The following TSSC4 variants were observed in gnomAD, a reference collection of about 807,000 sequenced individuals.
TSSC4 encodes U5 small nuclear ribonucleoprotein TSSC4.
For synonymous variants in TSSC4, 259 were observed against 197.9 expected (o/e 1.31, Z -2.59); for missense variants, 500 against 443.9 (o/e 1.13, Z -1.14).
In TSSC4 at chr11:2,403,690, CAG is replaced by C. The variant is rs771856916; in HGVS notation, c.*68_*69del. 21 of 1,420,410 alleles carry C rather than the reference CAG, an allele frequency of 1.5e-5. No homozygotes were observed. The highest frequency in any genetic ancestry group is 1.9e-5 in the Non-Finnish European group (21 of 1,080,698). 88.0% of individuals were successfully genotyped at this position (1,420,410 alleles called of 1,614,324 possible). On this transcript the variant is annotated 3_prime_UTR_variant, in exon 3 of 3. Coordinates refer to ENST00000333256, the MANE Select transcript of TSSC4 (RefSeq NM_005706.4). Reference sequence around the variant, plus strand: ...CTGCTGCCTTCCCAGTGGGGCTGGTCAGGGGGCAGCCTGGCCACTGCCTAGCT... The same window carrying C: ...CTGCTGCCTTCCCAGTGGGGCTGGTCGGGGCAGCCTGGCCACTGCCTAGCT...
Position 2,402,303 on chromosome 11 carries a change from T to G in TSSC4, c.-171T>G, listed in dbSNP as rs1473369591. The G allele has an allele frequency of 3.1e-6, 1 of 324,860 alleles. No individual in the cohort carries two copies. The highest frequency in any genetic ancestry group is 5.8e-6 in the Non-Finnish European group (1 of 172,790). 20.1% of individuals were successfully genotyped at this position (324,860 alleles called of 1,614,324 possible). On this transcript the variant is annotated 5_prime_UTR_variant, in exon 2 of 3. Coordinates refer to ENST00000333256, the MANE Select transcript of TSSC4 (RefSeq NM_005706.4). ...CCCCACCCACCTGCAGTTGAGCAGCTGAACAGAGGCCATGCCGGGGCACTC... is the reference window on the plus strand; with the variant it reads ...CCCCACCCACCTGCAGTTGAGCAGCGGAACAGAGGCCATGCCGGGGCACTC...
In TSSC4 at chr11:2,402,717, A is replaced by G; in HGVS notation, c.84A>G (p.Thr28=). 1.3e-6 allele frequency: 2 copies of G among 1,575,398 alleles called. No homozygotes were observed. Among genetic ancestry groups the G allele is most frequent in the South Asian group, 1.2e-5 (1 of 86,348 alleles). The part of the protein sequence containing the change: ...GTEYDTLPSD[T]VSLSDSDSDL... ...AGTATGACACGCTGCCTTCCGACAC[A>G]GTCTCCCTCAGTGACTCGGACTCTG... The change falls in exon 3 of 3, where the codon ACA becomes ACG. Residue 28 remains threonine (T), a synonymous_variant. Transcript: ENST00000333256.
rs1471676062 is a variant in TSSC4, at chr11:2,403,338, G to A, written c.705G>A (p.Val235=). Residue 235 remains valine, a synonymous_variant, in exon 3 of 3, where the codon GTG becomes GTA. Coordinates refer to ENST00000333256, the MANE Select transcript of TSSC4 (RefSeq NM_005706.4). ...AGAGGAAGAGGGTCCTGGGGAAGGT[G>A]GGAGAGCCAGGCAGGGGCGGCCTTG... ...RHERKRVLGK[V]GEPGRGGLGN... is the part of the protein sequence containing the mutation. 6.2e-7 allele frequency: 1 copy of A among 1,612,290 alleles called. No individual in the cohort carries two copies. Among genetic ancestry groups the A allele is most frequent in the South Asian group, 1.1e-5 (1 of 90,930 alleles).
chr11:2,403,434 G>A lies in TSSC4; in HGVS notation c.801G>A (p.Glu267=). The change falls in exon 3 of 3, where the codon GAG becomes GAA. Residue 267 remains glutamate, a synonymous_variant. Coordinates refer to ENST00000333256, the MANE Select transcript of TSSC4 (RefSeq NM_005706.4). ...LAHLAGPGSP[E]AEEWGSHHGG... Reference sequence around the variant, plus strand: ...ATCTGGCCGGGCCCGGGAGCCCAGAGGCTGAGGAGTGGGGCAGCCACCATG... The same window carrying A: ...ATCTGGCCGGGCCCGGGAGCCCAGAAGCTGAGGAGTGGGGCAGCCACCATG... 2.5e-6 allele frequency: 4 copies of A among 1,594,342 alleles called. No homozygotes were observed. Among genetic ancestry groups the A allele is most frequent in the Non-Finnish European group, 3.4e-6 (4 of 1,169,372 alleles).
rs1319312208 is a variant in TSSC4 at position 2,403,025 on chromosome 11, G to GGTCT, written c.393_396dup (p.Pro133ValfsTer65). 1 of 1,608,102 alleles carries GGTCT rather than the reference G, an allele frequency of 6.2e-7. No individual in the cohort carries two copies. On this transcript the variant is annotated frameshift_variant, in exon 3 of 3. Coordinates refer to ENST00000333256, the MANE Select transcript of TSSC4 (RefSeq NM_005706.4). LOFTEE classifies it low-confidence loss of function (END_TRUNC). ...AAGCGGCCCCTAGCGCCCTCAGGCC[G>GGTCT]GTCTCCAGTGGAAGGCCTGGGCAGG...
At chr11:2,402,490 T>G in intron 2 of TSSC4, 40 bp downstream of exon 2, 1 of 905,132 alleles carries the variant, frequency 1.1e-6, no homozygotes, top group Non-Finnish European at 1.6e-6. Context: ...GACTCCACCC[T>G]GTGTGGGACA....
chr11:2,402,598 T>A lies in TSSC4; in HGVS notation c.-23-13T>A, dbSNP rs1850181588. On this transcript the variant is annotated splice_polypyrimidine_tract_variant and intron_variant, in intron 2 of 2. Coordinates refer to ENST00000333256, the MANE Select transcript of TSSC4 (RefSeq NM_005706.4). ...CTCCTGAGAAACAAATTTTCTGGGC[T>A]GTTTTGGTTTAGGTGTGGCGTGGCC... 2 of 1,543,382 alleles carry A rather than the reference T, an allele frequency of 1.3e-6. No homozygotes were observed. Among genetic ancestry groups the A allele is most frequent in the Non-Finnish European group, 1.8e-6 (2 of 1,141,474 alleles).
rs1483768834 is a variant in TSSC4 at position 2,403,670 on chromosome 11, G to A, written c.*47G>A. ...CCCCACTGGCCACTGCCATCCTGCT[G>A]CCTTCCCAGTGGGGCTGGTCAGGGG... On this transcript the variant is annotated 3_prime_UTR_variant, in exon 3 of 3. Coordinates refer to ENST00000333256, the MANE Select transcript of TSSC4 (RefSeq NM_005706.4). 5.5e-6 allele frequency: 8 copies of A among 1,455,674 alleles called. No homozygotes were observed. The South Asian group carries it at 1.2e-4, about 22-fold the overall frequency. 90.2% of individuals were successfully genotyped at this position (1,455,674 alleles called of 1,614,324 possible).
Position 2,403,865 on chromosome 11 carries a change from G to A in TSSC4, c.*242G>A, listed in dbSNP as rs547306772. Reference sequence around the variant, plus strand: ...CCCTGGTAGGGACAATAAAGGTTTTGGGTCTTTCTGAGACTTTGTGTCTAT... The same window carrying A: ...CCCTGGTAGGGACAATAAAGGTTTTAGGTCTTTCTGAGACTTTGTGTCTAT... On this transcript the variant is annotated 3_prime_UTR_variant, in exon 3 of 3. Coordinates refer to ENST00000333256, the MANE Select transcript of TSSC4 (RefSeq NM_005706.4). 2.4e-6 allele frequency: 1 copy of A among 409,722 alleles called. No individual in the cohort carries two copies. The highest frequency in any genetic ancestry group is 6.6e-4 in the Middle Eastern group (1 of 1,520). 25.4% of individuals were successfully genotyped at this position (409,722 alleles called of 1,614,324 possible).
chr11:2,403,669 T>G lies in TSSC4; in HGVS notation c.*46T>G. The G allele has an allele frequency of 2.7e-6, 4 of 1,455,062 alleles. No individual in the cohort carries two copies. The highest frequency in any genetic ancestry group is 3.6e-6 in the Non-Finnish European group (4 of 1,102,102). The allele number at this position is 1,455,062 out of a possible 1,614,324, so 90.1% of individuals were successfully genotyped here. ...ACCCCACTGGCCACTGCCATCCTGC[T>G]GCCTTCCCAGTGGGGCTGGTCAGGG... On this transcript the variant is annotated 3_prime_UTR_variant, in exon 3 of 3. Transcript: ENST00000333256.
In TSSC4 at chr11:2,403,581, G is replaced by T; in HGVS notation, c.948G>T (p.Arg316=). The T allele has an allele frequency of 1.3e-6, 2 of 1,551,810 alleles. No individual in the cohort carries two copies. Among genetic ancestry groups the T allele is most frequent in the Non-Finnish European group, 1.7e-6 (2 of 1,152,018 alleles). Residue 316 remains arginine (R), a synonymous_variant, in exon 3 of 3, where the codon CGG becomes CGT. Transcript: ENST00000333256. ...GGAAGCGGAGTCGAGACCACTTCCG[G>T]AACAAGAGCAGCAGCCCCGAGGACC... ...GSRKRSRDHF[R]NKSSSPEDPG... is the part of the protein sequence containing the mutation.
At position 2,402,950 on chromosome 11, in the gene TSSC4, GGGCTCC is replaced by G; in HGVS notation, c.318_323del (p.Ala107_Pro108del). 1.2e-6 allele frequency: 2 copies of G among 1,610,752 alleles called. No individual in the cohort carries two copies. The highest frequency in any genetic ancestry group is 1.7e-6 in the Non-Finnish European group (2 of 1,179,122). ...GACTGCCTGGAGGGGGCGGCCAGAC[GGGCTCC>G]ATCCTCTGTGGCCCACACCAGCATG... is the stretch of plus-strand genomic sequence containing the variant. On this transcript the variant is annotated inframe_deletion, in exon 3 of 3. Coordinates refer to ENST00000333256, the MANE Select transcript of TSSC4 (RefSeq NM_005706.4).
rs894396352 is a variant in TSSC4 at position 2,400,758 on chromosome 11, G to C, written c.-221G>C. The C allele has an allele frequency of 1.2e-4, 18 of 152,064 alleles. No individual in the cohort carries two copies. The highest frequency in any genetic ancestry group is 4.3e-4 in the African/African-American group (18 of 41,430). 9.4% of individuals were successfully genotyped at this position (152,064 alleles called of 1,614,324 possible). A position where few individuals can be genotyped will look rare whatever the true frequency, so the allele number is the denominator to read the frequency against. On this transcript the variant is annotated 5_prime_UTR_variant, in exon 1 of 3. Coordinates refer to ENST00000333256, the MANE Select transcript of TSSC4 (RefSeq NM_005706.4). ...GGCTGAGCGCGCCGCACGGAGGTGC[G>C]GCGCCGACCAAGATGGAGACTGCCG...
chr11:2,402,797 C>G lies in TSSC4; in HGVS notation c.164C>G (p.Pro55Arg). The change falls in exon 3 of 3, where the codon CCT becomes CGT. Residue 55 changes from proline to arginine, a missense_variant. Coordinates refer to ENST00000333256, the MANE Select transcript of TSSC4 (RefSeq NM_005706.4). ...EVEALSPMGL[P>R]GEEDSGPDEP... The stretch of plus-strand genomic sequence containing the variant: ...GAAGCACTGTCCCCGATGGGGCTGC[C>G]TGGGGAGGAGGATTCAGGTCCTGAT... The G allele has an allele frequency of 6.3e-7, 1 of 1,579,122 alleles. No homozygotes were observed. Among genetic ancestry groups the G allele is most frequent in the Non-Finnish European group, 8.6e-7 (1 of 1,161,854 alleles).
rs893182264 is a variant in TSSC4, at chr11:2,400,782, C to T, written c.-197C>T. 2.6e-5 allele frequency: 4 copies of T among 152,038 alleles called. No individual in the cohort carries two copies. The highest frequency in any genetic ancestry group is 2.1e-4 in the South Asian group (1 of 4,822). 9.4% of individuals were successfully genotyped at this position (152,038 alleles called of 1,614,324 possible). A position where few individuals can be genotyped will look rare whatever the true frequency, so the allele number is the denominator to read the frequency against. On this transcript the variant is annotated 5_prime_UTR_variant, in exon 1 of 3. Transcript: ENST00000333256. ...CGGCGCCGACCAAGATGGAGACTGC[C>T]GAGCAGCCTTGAGCCGGTAGGTTTG...
chr11:2,403,380 C>A lies in TSSC4; in HGVS notation c.747C>A (p.Asp249Glu). The change falls in exon 3 of 3, where the codon GAC becomes GAA. Residue 249 changes from aspartate to glutamate, a missense_variant. Asp to Glu is a conservative substitution (Grantham distance 45, BLOSUM62 2). Transcript: ENST00000333256. ...GRGGLGNPATDRGEGPVELAH... is the reference protein window; with the variant it reads ...GRGGLGNPATERGEGPVELAH... The stretch of plus-strand genomic sequence containing the variant: ...GCGGCCTTGGGAATCCTGCCACAGA[C>A]AGGGGCGAGGGCCCTGTGGAGCTGG... 4 of 1,609,302 alleles carry A rather than the reference C, an allele frequency of 2.5e-6. No individual in the cohort carries two copies. The highest frequency in any genetic ancestry group is 3.4e-6 in the Non-Finnish European group (4 of 1,177,734).
In TSSC4 at chr11:2,403,276, T is replaced by G; in HGVS notation, c.643T>G (p.Phe215Val). 2 of 1,612,432 alleles carry G rather than the reference T, an allele frequency of 1.2e-6. No individual in the cohort carries two copies. The highest frequency in any genetic ancestry group is 1.7e-6 in the Non-Finnish European group (2 of 1,179,502). The change falls in exon 3 of 3, where the codon TTC becomes GTC. Residue 215 changes from phenylalanine (F) to valine (V), a missense_variant. Transcript: ENST00000333256. ...CAGCTGTGGGGAGGGGAGGGTCATC[T>G]TCACCAAACCAGTCCGAGGGGTCGA... ...PSSCGEGRVI[F>V]TKPVRGVEAR...
At position 2,402,632 on chromosome 11, in the gene TSSC4, G is replaced by A. The variant is rs368619881; in HGVS notation, c.-2G>A. ...TTAGGTGTGGCGTGGCCCTGGGGAC[G>A]CATGGCTGAGGCAGGAACAGGTGAG... On this transcript the variant is annotated 5_prime_UTR_variant, in exon 3 of 3. Transcript: ENST00000333256. 5 of 1,587,094 alleles carry A rather than the reference G, an allele frequency of 3.2e-6. No homozygotes were observed. Among genetic ancestry groups the A allele is most frequent in the Non-Finnish European group, 4.3e-6 (5 of 1,162,654 alleles).
chr11:2,402,567 C>A, intron 2 of TSSC4, 44 bp from the exon 3 acceptor site: 1 of 1,461,824 alleles, frequency 6.8e-7, no homozygotes, highest in Non-Finnish European at 9.2e-7. Flanking sequence ...ATTCTCAATA[C>A]TGTTCCTCCT....
Sources: allele counts gnomAD v4.1 joint callset, GRCh38; gene constraint gnomAD v4.1.1; transcripts MANE v1.5; gene names NCBI Gene and HGNC (gene_info 2026-07-23, HGNC 2026-07-21).